Variants in FBF1 observed in about 807,000 individuals in gnomAD.
The protein encoded by FBF1 is Fas binding factor 1.
Under a neutral mutation model 147.2 loss-of-function variants are expected in FBF1, and 119 were observed. The observed-to-expected ratio is 0.81, with a 90% CI of 0.70 to 0.94. The LOEUF (loss-of-function observed/expected upper bound fraction) is 0.94. Ranked by LOEUF, FBF1 falls within the 40% of genes least tolerant of loss-of-function variation. The pLI, the probability that FBF1 is intolerant of heterozygous loss-of-function variation, is 0.00. For synonymous variants in FBF1, 601 were observed against 609.0 expected, an observed-to-expected ratio of 0.99 and a Z score of 0.19; for missense variants, 1,449 against 1,500.8, an observed-to-expected ratio of 0.97 and a Z score of 0.57.
chr17:75,927,527 C>A lies in FBF1; in HGVS notation c.403G>T (p.Ala135Ser). The part of the protein sequence containing the change: ...LPNHPKPAGG[A>S]IPTKKSLPSP... ...GGAAGTGACTTCTTGGTGGGAATGG[C>A]ACCCCCTGCAGGAAGCAGAAGACAA... Residue 135 changes from alanine (A) to serine (S), a missense_variant, in exon 9 of 30, where the codon GCC (alanine) becomes TCC (serine). Coordinates refer to ENST00000636174, the MANE Select transcript of FBF1 (RefSeq NM_001319193.2). 1.2e-6 allele frequency: 2 copies of A among 1,600,100 alleles called. No individual in the cohort carries two copies. Among genetic ancestry groups the A allele is most frequent in the Non-Finnish European group, 1.7e-6 (2 of 1,173,560 alleles).
At chr17:75,930,958 G>T (rs185333741) in intron 6 of FBF1, among the ~76,000 whole-genome samples, 9 of 152,038 alleles carry the variant, frequency 5.9e-5, no homozygotes, top group Admixed American at 5.2e-4. Context: ...AGCCAGTCAT[G>T]GTGGCAGGCA....
At chr17:75,921,101 C>G in intron 17 of FBF1, 143 bp downstream of exon 17, 1 of 808,902 alleles carries the variant, frequency 1.2e-6, no homozygotes, top group Non-Finnish European at 2.0e-6. Context: ...GTGGGGGGTG[C>G]CCGGGGAGCT....
Position 75,909,860 on chromosome 17 carries a change from GTT to G in FBF1, c.*861_*862del. ...ACTCCGATGAGCCATGGCAAAAGCA[GTT>G]TTTTTAAGCTTAGTCAAGTTGAAGC... is the stretch of plus-strand genomic sequence containing the variant. On this transcript the variant is annotated 3_prime_UTR_variant, in exon 30 of 30. Coordinates refer to ENST00000636174, the MANE Select transcript of FBF1 (RefSeq NM_001319193.2). The G allele has an allele frequency of 1.4e-6, 1 of 695,514 alleles. No individual in the cohort carries two copies. Among genetic ancestry groups the G allele is most frequent in the African/African-American group, 1.7e-5 (1 of 57,192 alleles). The allele number at this position is 695,514 out of a possible 1,614,324, so 43.1% of individuals were successfully genotyped here.
chr17:75,936,838 T>C (rs1378738778), intron 3 of FBF1, among the ~76,000 whole-genome samples: 1 of 152,186 alleles, frequency 6.6e-6, no homozygotes, highest in Non-Finnish European at 1.5e-5. Flanking sequence ...CCAAGATTTC[T>C]AGGCACATGG....
At position 75,910,526 on chromosome 17, in the gene FBF1, C is replaced by T; in HGVS notation, c.*197G>A. 1.7e-6 allele frequency: 1 copy of T among 577,924 alleles called. No homozygotes were observed. Among genetic ancestry groups the T allele is most frequent in the Non-Finnish European group, 3.1e-6 (1 of 324,516 alleles). The allele number at this position is 577,924 out of a possible 1,614,324, so 35.8% of individuals were successfully genotyped here. ...AGCCATGGTAAGATAGCCTACACCACAGAGCCCCAGAGGCAGGGGCTGCCC... is the reference window on the plus strand; with the variant it reads ...AGCCATGGTAAGATAGCCTACACCATAGAGCCCCAGAGGCAGGGGCTGCCC... On this transcript the variant is annotated 3_prime_UTR_variant, in exon 30 of 30. Coordinates refer to ENST00000636174, the MANE Select transcript of FBF1 (RefSeq NM_001319193.2). The surrounding 1 kb of genome is among the most constrained non-coding windows in gnomAD (Gnocchi z 4.1).
chr17:75,917,465 C>T (rs555821836), intron 23 of FBF1, among the ~76,000 whole-genome samples: 10 of 152,290 alleles, frequency 6.6e-5, no homozygotes, highest in East Asian at 1.9e-4. Flanking sequence ...GGCTAGACTG[C>T]GGAGGGCAGC....
intron 5 of FBF1, 114 bp from the exon 6 acceptor site, chr17:75,931,403 CA>C: frequency 3.4e-6 from 3 of 875,024 alleles, no homozygotes; most frequent in Non-Finnish European, 3.6e-6. Context: ...CTCCGGAGAA[CA>C]GAGGTGCTAA....
At chr17:75,915,718 A>AT (rs1387278661) in intron 23 of FBF1, among the ~76,000 whole-genome samples, 2 of 150,488 alleles carry the variant, frequency 1.3e-5, no homozygotes, top group African/African-American at 2.5e-5. Context: ...CTTTAAAAAC[A>AT]TTTTTTTGGG....
chr17:75,923,396 G>T lies in FBF1; in HGVS notation c.1214C>A (p.Pro405His), dbSNP rs199538099. The change falls in exon 14 of 30, where the codon CCC becomes CAC. Residue 405 changes from proline to histidine, a missense_variant. By Grantham distance (77) the Pro-to-His change is moderately conservative (BLOSUM62 -2). Coordinates refer to ENST00000636174, the MANE Select transcript of FBF1 (RefSeq NM_001319193.2). The surrounding 1 kb of genome is among the most constrained non-coding windows in gnomAD (Gnocchi z 4.1). The part of the protein sequence containing the change: ...SQHSTPAGLP[P>H]SRAKPPTEGA... ...TTCAGTTGGTGGCTTTGCCCTGGAG[G>T]GGGGCAGCCCAGCTGGCGTGGAGTG... 79 of 1,607,370 alleles carry T rather than the reference G, an allele frequency of 4.9e-5. No individual in the cohort carries two copies. Among genetic ancestry groups the T allele is most frequent in the Non-Finnish European group, 6.5e-5 (77 of 1,177,414 alleles).
chr17:75,913,633 GCCTGCCCACTCCTAGCACTGCC>G (rs2065468554), intron 28 of FBF1, 47 bp downstream of exon 28: 2 of 1,291,684 alleles, frequency 1.5e-6, no homozygotes, highest in Middle Eastern at 2.2e-4. Context: ...CTGGAGGAGG[GCCTGCCCACTCCTAGCACTGCC>G]CCTGCCCAGT....
Position 75,918,141 on chromosome 17 carries a change from T to TG in FBF1, c.2246+20dup. On this transcript the variant is annotated intron_variant, in intron 21 of 29. Transcript: ENST00000636174. The surrounding 1 kb of genome is among the most constrained non-coding windows in gnomAD (Gnocchi z 5.8). The stretch of plus-strand genomic sequence containing the variant: ...TCCGGCCCCCAACGTCAGGCGGGCA[T>TG]GGTTGGGGCAGCGCACATACCGCGT... 1 of 1,611,428 alleles carries TG rather than the reference T, an allele frequency of 6.2e-7. No individual in the cohort carries two copies. The highest frequency in any genetic ancestry group is 2.2e-5 in the East Asian group (1 of 44,818).
chr17:75,938,555 C>CAA (rs34602242), intron 1 of FBF1, among the ~76,000 whole-genome samples: 3,215 of 57,916 alleles, frequency 0.056, 297 homozygotes, highest in African/African-American at 0.16. Flanking sequence ...GACTCCATCT[C>CAA]AAAAAAAAAA....
intron 22 of FBF1, 22 bp downstream of exon 22, chr17:75,917,909 T>G (rs773476248): frequency 6.3e-7 from 1 of 1,588,688 alleles, no homozygotes; most frequent in Admixed American, 1.8e-5. Context: ...GGAGCCGGGG[T>G]GGCTGAGAGG....
At chr17:75,937,861 G>A in intron 2 of FBF1, 1 of 626,658 alleles carries the variant, frequency 1.6e-6, no homozygotes. Context: ...AACCCTCCCA[G>A]CCGAGATGTC....
rs771454451 is a variant in FBF1 at position 75,932,989 on chromosome 17, C to T, written c.167+6G>A. The T allele has an allele frequency of 1.9e-5, 31 of 1,591,474 alleles. No individual in the cohort carries two copies. The highest frequency in any genetic ancestry group is 2.5e-5 in the Non-Finnish European group (29 of 1,162,612). On this transcript the variant is annotated splice_donor_region_variant and intron_variant, in intron 5 of 29. Coordinates refer to ENST00000636174, the MANE Select transcript of FBF1 (RefSeq NM_001319193.2). The stretch of plus-strand genomic sequence containing the variant: ...TCATGGATACCCAGTCGGACCCTGC[C>T]CTTACTTTGTTCTCGCCTTTGAAGA...
chr17:75,935,034 G>A (rs1012014095), intron 4 of FBF1, among the ~76,000 whole-genome samples: 1 of 152,136 alleles, frequency 6.6e-6, no homozygotes, highest in Non-Finnish European at 1.5e-5. Context: ...TGGGCATGGG[G>A]TTTCTTTAAG....
Position 75,922,030 on chromosome 17 carries a change from T to A in FBF1, c.1441A>T (p.Thr481Ser), listed in dbSNP as rs1327742579. 6.4e-7 allele frequency: 1 copy of A among 1,551,762 alleles called. No individual in the cohort carries two copies. The highest frequency in any genetic ancestry group is 8.7e-7 in the Non-Finnish European group (1 of 1,147,060). Residue 481 changes from threonine (T) to serine (S), a missense_variant, in exon 15 of 30, where the codon ACA becomes TCA. Thr to Ser is a moderately conservative substitution (Grantham distance 58). Coordinates refer to ENST00000636174, the MANE Select transcript of FBF1 (RefSeq NM_001319193.2). The surrounding 1 kb of genome is among the most constrained non-coding windows in gnomAD (Gnocchi z 5.0). ...GCAGCTGCGTGCTCAAGCCCTTGTG[T>A]GCTGGTGAGAGGTTGGCTGAGGAAA... ...PPSGSQPLTS[T>S]QGLEHAAAGG...
At chr17:75,932,377 A>G (rs2065599551) in intron 5 of FBF1, among the ~76,000 whole-genome samples, 2 of 152,104 alleles carry the variant, frequency 1.3e-5, no homozygotes, top group East Asian at 1.9e-4. Context: ...TCCATCTCAA[A>G]AAAAGAGAGA....
At chr17:75,937,638 A>C in intron 2 of FBF1, 45 bp from the exon 3 acceptor site, 1 of 1,610,748 alleles carries the variant, frequency 6.2e-7, no homozygotes, top group Non-Finnish European at 8.5e-7. Context: ...CAAACAGTGA[A>C]CACAGGTGGA....
Sources: gnomAD v4.1 joint callset for allele counts (sites outside exome capture counted in the v4.1 genomes callset) on GRCh38, gnomAD v4.1.1 for gene constraint, Gnocchi (gnomAD v3.1) non-coding constraint, MANE v1.5 for transcripts, NCBI Gene and HGNC (gene_info 2026-07-23, HGNC 2026-07-21) for gene names.